The following ROBO2 variants were observed in gnomAD, a reference collection of about 807,000 sequenced individuals.
ROBO2 encodes roundabout guidance receptor 2, also known as roundabout homolog 2.
Under a neutral mutation model 160.8 loss-of-function variants are expected in ROBO2, and 53 were observed. The ratio of observed to expected loss-of-function variants is 0.33; its 90% CI spans 0.26 to 0.41. ROBO2 has a LOEUF of 0.41. ROBO2 is among the 10% of genes least tolerant of loss of function. ROBO2 has a pLI of 1.00. For synonymous variants in ROBO2, 664 were observed against 611.7 expected (o/e 1.09, Z -1.26); for missense variants, 1,577 against 1,722.4 (o/e 0.92, Z 1.49).
chr3:76,577,769 A>G (rs2085398647), intron 2 of ROBO2, among the ~76,000 whole-genome samples: 1 of 152,140 alleles, frequency 6.6e-6, no homozygotes. Flanking sequence ...ACCTTATCAT[A>G]ATCCCTATAT....
intron 2 of ROBO2, among the ~76,000 whole-genome samples, chr3:77,209,694 G>A (rs533272466): frequency 6.6e-6 from 1 of 152,170 alleles, no homozygotes; most frequent in African/African-American, 2.4e-5. Context: ...CAAAAACCAT[G>A]TTTGTGGAGT....
chr3:76,866,524 A>T (rs931377546), intron 2 of ROBO2, among the ~76,000 whole-genome samples: 13 of 152,096 alleles, frequency 8.5e-5, no homozygotes, highest in Non-Finnish European at 1.8e-4. Context: ...ATTTACATTA[A>T]ACTAAAATTA....
chr3:77,625,369 ATCTT>A (rs1303139178), intron 23 of ROBO2, among the ~76,000 whole-genome samples: 5 of 151,552 alleles, frequency 3.3e-5, no homozygotes, highest in Non-Finnish European at 5.9e-5. Context: ...AGTGCAAGCC[ATCTT>A]TCTTTCTTTC....
At chr3:77,269,552 G>A (rs929558869) in intron 2 of ROBO2, among the ~76,000 whole-genome samples, 6 of 152,044 alleles carry the variant, frequency 3.9e-5, no homozygotes, top group African/African-American at 7.2e-5. Flanking sequence ...TCCCCTTTGA[G>A]GTTATATTCC....
chr3:77,040,532 A>G (rs2063983294), exon 1 of ROBO2: 2 of 1,365,236 alleles, frequency 1.5e-6, no homozygotes, highest in African/African-American at 2.9e-5. Flanking sequence ...ATTTGTGGGA[A>G]TTTAGGAAGC....
At chr3:76,762,445 GTT>G (rs71104618) in intron 2 of ROBO2, among the ~76,000 whole-genome samples, 109 of 140,172 alleles carry the variant, frequency 7.8e-4, no homozygotes, top group Middle Eastern at 7.6e-3. Flanking sequence ...GAATCCAGCT[GTT>G]TTTTTTTTTT....
chr3:76,965,810 T>G (rs2149258320), intron 2 of ROBO2, among the ~76,000 whole-genome samples: 1 of 146,580 alleles, frequency 6.8e-6, no homozygotes, highest in Non-Finnish European at 1.5e-5. Context: ...TATATATATA[T>G]TTCTTTAATA....
At chr3:77,418,609 C>T (rs1357025431) in intron 2 of ROBO2, among the ~76,000 whole-genome samples, 1 of 152,038 alleles carries the variant, frequency 6.6e-6, no homozygotes, top group Non-Finnish European at 1.5e-5. Flanking sequence ...TATTGTGATT[C>T]ATACATTCAT....
chr3:76,940,201 C>A (rs943125870), intron 2 of ROBO2, among the ~76,000 whole-genome samples: 3 of 152,038 alleles, frequency 2.0e-5, no homozygotes, highest in Admixed American at 6.6e-5. Flanking sequence ...CCAGGATGGT[C>A]TCGATCTCTT....
chr3:77,050,633 C>A (rs1458792972), intron 1 of ROBO2, among the ~76,000 whole-genome samples: 2 of 147,632 alleles, frequency 1.4e-5, no homozygotes. Context: ...AGAGTTACAA[C>A]ATTTAATGTG....
intron 2 of ROBO2, among the ~76,000 whole-genome samples, chr3:76,899,422 G>T (rs2075062733): frequency 6.6e-6 from 1 of 152,140 alleles, no homozygotes; most frequent in Non-Finnish European, 1.5e-5. Flanking sequence ...TATGCCTCCT[G>T]CTTAGGGTCC....
intron 2 of ROBO2, among the ~76,000 whole-genome samples, chr3:76,136,152 T>C (rs1291413933): frequency 6.6e-6 from 1 of 152,144 alleles, no homozygotes; most frequent in Admixed American, 6.5e-5. Context: ...TTGGGTTTAA[T>C]ACTCTCTTGA....
At chr3:77,394,725 C>T (rs2075096423) in intron 2 of ROBO2, among the ~76,000 whole-genome samples, 1 of 151,900 alleles carries the variant, frequency 6.6e-6, no homozygotes, top group South Asian at 2.1e-4. Context: ...CCAAGAATGC[C>T]TGCATTGTTA....
intron 2 of ROBO2, among the ~76,000 whole-genome samples, chr3:76,538,678 C>A (rs987962296): frequency 1.3e-5 from 2 of 152,142 alleles, no homozygotes; most frequent in Admixed American, 1.3e-4. Context: ...TATAAATAAA[C>A]CCGTCACTGT....
rs530207566 is a variant in ROBO2, at chr3:76,433,566, C to T, written c.109+495964C>T. ...AAACCTATACTTAAAACAATAAGTG[C>T]GTCAAGTAAAGTAGGTCACATTTAT... On this transcript the variant is annotated intron_variant, in intron 2 of 26. Transcript: ENST00000487694. Among the ~76,000 whole-genome samples, 12 of 152,156 alleles carry T rather than the reference C, an allele frequency of 7.9e-5. 2 individuals carry two copies. Among genetic ancestry groups the T allele is most frequent in the Middle Eastern group, 3.4e-3 (1 of 294 alleles).
intron 2 of ROBO2, among the ~76,000 whole-genome samples, chr3:76,190,125 C>T (rs182464998): frequency 3.9e-5 from 6 of 152,166 alleles, no homozygotes; most frequent in East Asian, 3.9e-4. Flanking sequence ...TGCTGATGAT[C>T]GGCTTGATTG....
At chr3:76,155,096 AG>A (rs1577079061) in intron 2 of ROBO2, among the ~76,000 whole-genome samples, 1 of 152,188 alleles carries the variant, frequency 6.6e-6, no homozygotes, top group Admixed American at 6.6e-5. Context: ...ATAGTACCGA[AG>A]AAGTGTCCCT....
chr3:76,510,004 T>G (rs560106019), intron 2 of ROBO2, among the ~76,000 whole-genome samples: 8 of 152,164 alleles, frequency 5.3e-5, no homozygotes, highest in African/African-American at 1.9e-4. Flanking sequence ...TCAGGTGCAA[T>G]ACGTCTTTTC....
At chr3:76,911,705 T>G (rs896789545) in intron 2 of ROBO2, among the ~76,000 whole-genome samples, 2 of 152,212 alleles carry the variant, frequency 1.3e-5, no homozygotes, top group African/African-American at 4.8e-5. Flanking sequence ...CATAAATAAA[T>G]TTCTTAAATA....
Sources: gnomAD v4.1 joint callset for allele counts (sites outside exome capture counted in the v4.1 genomes callset) on GRCh38, gnomAD v4.1.1 for gene constraint, MANE v1.5 for transcripts, NCBI Gene and HGNC (gene_info 2026-07-23, HGNC 2026-07-21) for gene names.